FRK: variants seen among roughly 807,000 people sequenced by gnomAD.
FRK encodes the protein tyrosine-protein kinase FRK.
A neutral mutation model predicts 56.4 loss-of-function variants in FRK; 51 were observed. The ratio of observed to expected loss-of-function variants is 0.90; its 90% CI spans 0.72 to 1.14. FRK has a LOEUF of 1.14. Ranked by LOEUF, FRK falls within the 50% of genes most tolerant of loss-of-function variation. FRK has a pLI of 0.00. For synonymous variants in FRK, 245 were observed against 217.9 expected, an observed-to-expected ratio of 1.12 and a Z score of -1.10; for missense variants, 570 against 601.4, an observed-to-expected ratio of 0.95 and a Z score of 0.55.
chr6:116,057,780 A>C (rs1777454879), intron 1 of FRK, among the ~76,000 whole-genome samples: 1 of 152,210 alleles, frequency 6.6e-6, no homozygotes, highest in Non-Finnish European at 1.5e-5. Flanking sequence ...TGACTCTGAG[A>C]ATCAAAAATA....
chr6:116,073,584 CACT>C, the FRK span, among the ~76,000 whole-genome samples: 1 of 152,024 alleles, frequency 6.6e-6, no homozygotes, highest in Non-Finnish European at 1.5e-5. Flanking sequence ...ATAACAAAAG[CACT>C]AAACATATTA....
At chr6:116,007,696 G>T (rs935531393) in intron 1 of FRK, among the ~76,000 whole-genome samples, 3 of 152,138 alleles carry the variant, frequency 2.0e-5, no homozygotes, top group African/African-American at 7.2e-5. Context: ...AGGTTGTAAA[G>T]CTGAATTAGT....
intron 5 of FRK, among the ~76,000 whole-genome samples, chr6:115,950,376 G>A (rs13214576): frequency 0.24 from 36,588 of 152,112 alleles, 5,203 homozygotes; most frequent in Middle Eastern, 0.34. Context: ...GATATGAACA[G>A]ACACTTTTCA....
chr6:115,981,203 C>A lies in FRK; in HGVS notation c.467-12464G>T, dbSNP rs1460880779. Reference sequence around the variant, plus strand: ...ATTATGAGAGATTCCTCAGCAAAGACAATACAGTAGTAGACTAGACATTCT... The same window carrying A: ...ATTATGAGAGATTCCTCAGCAAAGAAAATACAGTAGTAGACTAGACATTCT... On this transcript the variant is annotated intron_variant, in intron 2 of 7. Coordinates refer to ENST00000606080, the MANE Select transcript of FRK (RefSeq NM_002031.3). Among the ~76,000 whole-genome samples, 3 of 152,034 alleles carry A rather than the reference C, an allele frequency of 2.0e-5. No homozygotes were observed. The East Asian group carries it at 5.8e-4, about 29-fold the overall frequency.
At chr6:116,099,032 T>C in the FRK span, among the ~76,000 whole-genome samples, 12 of 152,186 alleles carry the variant, frequency 7.9e-5, no homozygotes, top group Non-Finnish European at 1.8e-4. Context: ...GCAGAATATA[T>C]ATAATTTGTT....
chr6:115,983,852 T>G (rs535692855), intron 2 of FRK, among the ~76,000 whole-genome samples: 1 of 152,128 alleles, frequency 6.6e-6, no homozygotes, highest in Non-Finnish European at 1.5e-5. Context: ...AATCTGACCT[T>G]GTTACTGTCC....
the FRK span, among the ~76,000 whole-genome samples, chr6:116,072,612 T>G: frequency 6.6e-6 from 1 of 151,756 alleles, no homozygotes; most frequent in Non-Finnish European, 1.5e-5. Flanking sequence ...TTCCTTCCCC[T>G]ACCATGATGA....
upstream of FRK, among the ~76,000 whole-genome samples, chr6:116,064,270 T>A (rs937489537): frequency 5.9e-5 from 9 of 152,182 alleles, no homozygotes; most frequent in Admixed American, 2.6e-4. Context: ...AAGGCCTCTA[T>A]GCACCCCTAA....
chr6:115,976,124 T>C (rs1773982839), intron 2 of FRK, among the ~76,000 whole-genome samples: 1 of 152,144 alleles, frequency 6.6e-6, no homozygotes, highest in African/African-American at 2.4e-5. Context: ...GTGACAGATA[T>C]AGAAGCCCAG....
At chr6:116,092,720 G>A in the FRK span, among the ~76,000 whole-genome samples, 10 of 152,262 alleles carry the variant, frequency 6.6e-5, 1 homozygote, top group Middle Eastern at 3.4e-3. Flanking sequence ...CTGCTGCGTC[G>A]GTGAGTGCAA....
chr6:116,010,881 G>A (rs1266049130), intron 1 of FRK, among the ~76,000 whole-genome samples: 1 of 152,142 alleles, frequency 6.6e-6, no homozygotes, highest in Non-Finnish European at 1.5e-5. Flanking sequence ...GTCATGCTGG[G>A]ACACGAGTGA....
chr6:116,009,069 C>G (rs920907976), intron 1 of FRK, among the ~76,000 whole-genome samples: 1 of 150,478 alleles, frequency 6.6e-6, no homozygotes, highest in African/African-American at 2.4e-5. Context: ...AAGTGACTAA[C>G]AAAAAAAAAC....
At chr6:116,030,371 A>C (rs1193533570) in intron 1 of FRK, among the ~76,000 whole-genome samples, 4 of 152,120 alleles carry the variant, frequency 2.6e-5, no homozygotes, top group Non-Finnish European at 5.9e-5. Context: ...CCAAATATTA[A>C]AATAAAATAT....
intron 2 of FRK, among the ~76,000 whole-genome samples, chr6:116,003,486 A>G (rs901074098): frequency 2.6e-5 from 4 of 152,238 alleles, no homozygotes; most frequent in Non-Finnish European, 4.4e-5. Context: ...TTTTATGTTT[A>G]ACCAGCAAAG....
the FRK span, among the ~76,000 whole-genome samples, chr6:116,069,662 G>A: frequency 6.6e-6 from 1 of 152,014 alleles, no homozygotes; most frequent in Non-Finnish European, 1.5e-5. Context: ...TAGTTTCGTA[G>A]ATCAAACAAA....
chr6:115,974,330 A>G (rs1417246342), intron 2 of FRK, among the ~76,000 whole-genome samples: 2 of 152,178 alleles, frequency 1.3e-5, no homozygotes, highest in African/African-American at 4.8e-5. Context: ...AGAGATGCAA[A>G]TCACAGTGAT....
intron 1 of FRK, among the ~76,000 whole-genome samples, chr6:116,056,286 C>T (rs1777398067): frequency 6.6e-6 from 1 of 150,762 alleles, no homozygotes; most frequent in African/African-American, 2.4e-5. Context: ...ACAACCATAG[C>T]TTGCTGCAGC....
chr6:115,995,148 CCAGA>C (rs1774788289), intron 2 of FRK, among the ~76,000 whole-genome samples: 2 of 152,070 alleles, frequency 1.3e-5, no homozygotes, highest in Admixed American at 1.3e-4. Context: ...GAGTATCTAC[CCAGA>C]TTCTAAGAAA....
chr6:115,932,739 G>A lies in FRK; in HGVS notation c.*9675C>T, dbSNP rs904485039. 2.6e-5 allele frequency: 4 copies of A among 152,186 alleles called. No individual in the cohort carries two copies. The highest frequency in any genetic ancestry group is 4.8e-5 in the African/African-American group (2 of 41,444). The allele number at this position is 152,186 out of a possible 1,614,324, so 9.4% of individuals were successfully genotyped here. A position where few individuals can be genotyped will look rare whatever the true frequency, so the allele number is the denominator to read the frequency against. On this transcript the variant is annotated 3_prime_UTR_variant, in exon 8 of 8. Transcript: ENST00000606080. Reference sequence around the variant, plus strand: ...TAACAAACCATGGAACACCAGCTGGGCTCTGCTTCCTTCAGGAAGCTCCAG... The same window carrying A: ...TAACAAACCATGGAACACCAGCTGGACTCTGCTTCCTTCAGGAAGCTCCAG...
Sources: allele counts gnomAD v4.1 joint callset (sites outside exome capture counted in the v4.1 genomes callset), GRCh38; gene constraint gnomAD v4.1.1; transcripts MANE v1.5; gene names NCBI Gene and HGNC (gene_info 2026-07-23, HGNC 2026-07-21).